Variants in USP7 observed in about 807,000 individuals in gnomAD.
USP7 encodes ubiquitin specific peptidase 7.
Under a neutral mutation model 162.9 loss-of-function variants are expected in USP7, and 9 were observed. The ratio of observed to expected loss-of-function variants is 0.06; its 90% confidence interval spans 0.03 to 0.10. The LOEUF (loss-of-function observed/expected upper bound fraction) is 0.10. Among genes scored for constraint, USP7 ranks in the 10% least tolerant of loss-of-function variants. The pLI, the probability that USP7 is intolerant of heterozygous loss-of-function variation, is 1.00. For missense variants in USP7, 715 were observed against 1,373.7 expected (o/e 0.52, Z 7.58); for synonymous variants, 562 against 475.9 (o/e 1.18, Z -2.35).
chr16:8,910,318 C>T (rs943182578), intron 11 of USP7, among the ~76,000 whole-genome samples: 3 of 152,162 alleles, frequency 2.0e-5, no homozygotes, highest in East Asian at 1.9e-4. Flanking sequence ...CTAGAGAACA[C>T]ACTACTCATT....
rs1407341599 is a variant in USP7, at chr16:8,895,694, T to C, written c.2867A>G (p.Asp956Gly). The C allele has an allele frequency of 1.2e-6, 2 of 1,613,470 alleles. No individual in the cohort carries two copies. Among genetic ancestry groups the C allele is most frequent in the Admixed American group, 1.7e-5 (1 of 59,864 alleles). ...AGGAGATAAACATTCTAATAGTTCA[T>C]CTTCTTGATGAACACCAATGATTTT... ...SYKIIGVHQE[D>G]ELLECLSPAT... is the part of the protein sequence containing the mutation. Residue 956 changes from aspartate (D) to glycine (G), a missense_variant, in exon 27 of 31, where the codon GAT becomes GGT. Physicochemically the swap from Asp to Gly is moderately conservative, Grantham distance 94. This residue lies in a region of USP7 where 222 missense variants were observed against 441.7 expected (regional missense o/e 0.50). Transcript: ENST00000344836.
intron 1 of USP7, among the ~76,000 whole-genome samples, chr16:8,961,503 A>AGGGGG (rs1567252630): frequency 1.7e-4 from 10 of 58,602 alleles, no homozygotes; most frequent in South Asian, 9.1e-4. Context: ...AAAAAAAAAA[A>AGGGGG]AGGGGGGGGG....
intron 1 of USP7, among the ~76,000 whole-genome samples, chr16:8,944,141 C>T (rs1899175974): frequency 1.3e-5 from 2 of 152,128 alleles, no homozygotes; most frequent in African/African-American, 4.8e-5. Context: ...AGAAACTCTC[C>T]TTCTTGCCTT....
At chr16:8,942,572 G>C (rs973556261) in intron 1 of USP7, among the ~76,000 whole-genome samples, 2 of 152,198 alleles carry the variant, frequency 1.3e-5, no homozygotes, top group Non-Finnish European at 2.9e-5. Context: ...TTTTGAGACA[G>C]GGTCTCGCTC....
chr16:8,917,748 A>T (rs1897452823), intron 6 of USP7, among the ~76,000 whole-genome samples: 1 of 152,108 alleles, frequency 6.6e-6, no homozygotes, highest in Non-Finnish European at 1.5e-5. Context: ...GCCCCCAGAG[A>T]ACTACTTTTA....
chr16:8,899,218 T>C (rs963550977), intron 22 of USP7, 30 bp from the exon 23 acceptor site: 14 of 1,611,298 alleles, frequency 8.7e-6, no homozygotes, highest in Non-Finnish European at 1.2e-5. Context: ...GTTCACATTT[T>C]GGGGAAAAAT....
intron 26 of USP7, among the ~76,000 whole-genome samples, chr16:8,896,771 G>A (rs1441292647): frequency 1.3e-5 from 2 of 152,158 alleles, no homozygotes; most frequent in Non-Finnish European, 2.9e-5. Flanking sequence ...ATAACCCTCT[G>A]CACCACAGCG....
chr16:8,903,592 G>C (rs1386085379), intron 15 of USP7, among the ~76,000 whole-genome samples, 190 bp from the exon 16 acceptor site: 1 of 152,050 alleles, frequency 6.6e-6, no homozygotes, highest in Non-Finnish European at 1.5e-5. Context: ...AGAAAAGGAG[G>C]CTGTGGGCAG....
At chr16:8,917,989 A>G (rs1223245907) in intron 6 of USP7, among the ~76,000 whole-genome samples, 1 of 151,378 alleles carries the variant, frequency 6.6e-6, no homozygotes, top group African/African-American at 2.4e-5. Context: ...ACGGGGTTTC[A>G]CCATGTTAGC....
chr16:8,962,690 C>A, intron 1 of USP7: 1 of 190,890 alleles, frequency 5.2e-6, no homozygotes, highest in Non-Finnish European at 1.2e-5. Flanking sequence ...CAGGTATTTT[C>A]GAACGTAAGC....
chr16:8,893,974 G>A lies in USP7; in HGVS notation c.*24C>T, dbSNP rs755557736. 63 of 1,609,432 alleles carry A rather than the reference G, an allele frequency of 3.9e-5. No individual in the cohort carries two copies. Among genetic ancestry groups the A allele is most frequent in the South Asian group, 8.8e-5 (8 of 90,968 alleles). ...AAGGGGCCACCCACACACCGTCCTC[G>A]CCTTGAACACACCAGCTTGGAAATC... On this transcript the variant is annotated 3_prime_UTR_variant, in exon 31 of 31. Coordinates refer to ENST00000344836, the MANE Select transcript of USP7 (RefSeq NM_003470.3).
chr16:8,906,683 T>C (rs999566940), intron 12 of USP7, 101 bp from the exon 13 acceptor site: 3 of 1,223,420 alleles, frequency 2.5e-6, no homozygotes, highest in East Asian at 2.5e-5. Context: ...TCATCTTTAA[T>C]AGGATAAGCA....
intron 1 of USP7, among the ~76,000 whole-genome samples, chr16:8,935,116 G>GT (rs1394175160): frequency 6.6e-6 from 1 of 151,946 alleles, no homozygotes; most frequent in Admixed American, 6.6e-5. Context: ...TAAGAGTGAT[G>GT]TAATACCAAG....
intron 10 of USP7, among the ~76,000 whole-genome samples, chr16:8,914,531 T>C (rs2061999299): frequency 6.6e-6 from 1 of 152,220 alleles, no homozygotes; most frequent in Non-Finnish European, 1.5e-5. Flanking sequence ...ATTTTTGTGG[T>C]ATATTCTCAA....
chr16:8,894,908 C>A (rs1721171018), intron 28 of USP7, 53 bp from the exon 29 acceptor site: 2 of 1,613,856 alleles, frequency 1.2e-6, no homozygotes, highest in Admixed American at 1.7e-5. Context: ...ACCCCCAGGC[C>A]ACGTCACGTG....
intron 1 of USP7, among the ~76,000 whole-genome samples, chr16:8,960,011 A>G (rs1375456791): frequency 6.6e-6 from 1 of 152,250 alleles, no homozygotes; most frequent in Non-Finnish European, 1.5e-5. Context: ...ATGCAGAAGC[A>G]AGGCCTCCTG....
At chr16:8,924,524 C>T (rs1708137234) in intron 2 of USP7, among the ~76,000 whole-genome samples, 1 of 152,250 alleles carries the variant, frequency 6.6e-6, no homozygotes, top group Non-Finnish European at 1.5e-5. Context: ...TCCCTGACCA[C>T]CAGGCTCCTA....
At chr16:8,930,250 C>T (rs757112853) in intron 2 of USP7, 43 bp downstream of exon 2, 1 of 1,501,844 alleles carries the variant, frequency 6.7e-7, no homozygotes, top group East Asian at 2.3e-5. Context: ...TGTTTTCTGA[C>T]AAGTTTCCGC....
At chr16:8,948,791 G>GTC (rs1567245203) in intron 1 of USP7, among the ~76,000 whole-genome samples, 1 of 152,022 alleles carries the variant, frequency 6.6e-6, no homozygotes, top group African/African-American at 2.4e-5. Flanking sequence ...GCGAAACCCC[G>GTC]TCTCTAGAAA....
Sources: gnomAD v4.1 joint callset for allele counts (sites outside exome capture counted in the v4.1 genomes callset) on GRCh38, gnomAD v4.1.1 for gene constraint, gnomAD v4.1.1 regional missense constraint, MANE v1.5 for transcripts, NCBI Gene and HGNC (gene_info 2026-07-23, HGNC 2026-07-21) for gene names.